CAPN5: variants seen among roughly 807,000 people sequenced by gnomAD.
CAPN5 encodes the protein calpain 5.
A neutral mutation model predicts 73.0 loss-of-function variants in CAPN5; 54 were observed. That is an observed-to-expected ratio of 0.74 (90% CI 0.59 to 0.93). The LOEUF (loss-of-function observed/expected upper bound fraction) is 0.93. Among genes scored for constraint, CAPN5 ranks in the 40% least tolerant of loss-of-function variants. The pLI, the probability that CAPN5 is intolerant of heterozygous loss-of-function variation, is 0.00. For synonymous variants in CAPN5, 335 were observed against 356.9 expected, an observed-to-expected ratio of 0.94 and a Z score of 0.69; for missense variants, 785 against 882.9, an observed-to-expected ratio of 0.89 and a Z score of 1.41.
chr11:77,117,343 C>A (rs2135482422), intron 7 of CAPN5, among the ~76,000 whole-genome samples: 1 of 152,316 alleles, frequency 6.6e-6, no homozygotes, highest in South Asian at 2.1e-4. Context: ...TCAGCAGAAC[C>A]TGATATGGAA....
chr11:77,088,031 T>C (rs996661522), intron 2 of CAPN5: 2 of 1,535,818 alleles, frequency 1.3e-6, no homozygotes, highest in South Asian at 1.2e-5. Flanking sequence ...GCTCAGGGTG[T>C]CCGTCCTCCT....
In CAPN5 at chr11:77,116,227, T is replaced by G; in HGVS notation, c.895T>G (p.Ser299Ala). Reference protein sequence around the residue: ...REWNGPWSDTSEEWQKVSKSE... With the variant: ...REWNGPWSDTAEEWQKVSKSE... Reference sequence around the variant, plus strand: ...TCCTCCCCGGCCCTGACACCCCAGCTCGGAGGAGTGGCAGAAAGTGAGCAA... The same window carrying G: ...TCCTCCCCGGCCCTGACACCCCAGCGCGGAGGAGTGGCAGAAAGTGAGCAA... Residue 299 changes from serine (S) to alanine (A), a missense_variant and splice_region_variant, in exon 7 of 13, where the codon TCG becomes GCG. Ser to Ala is a moderately conservative substitution (Grantham distance 99). Coordinates refer to ENST00000648180, the MANE Select transcript of CAPN5 (RefSeq NM_004055.5). 6.2e-7 allele frequency: 1 copy of G among 1,611,328 alleles called. No individual in the cohort carries two copies. The highest frequency in any genetic ancestry group is 8.5e-7 in the Non-Finnish European group (1 of 1,178,902).
chr11:77,077,614 C>A (rs1949985556), intron 1 of CAPN5, among the ~76,000 whole-genome samples: 1 of 151,822 alleles, frequency 6.6e-6, no homozygotes, highest in African/African-American at 2.4e-5. Flanking sequence ...ACTGCAACCT[C>A]CACCTCCTGG....
chr11:77,114,705 C>A (rs1237435209), intron 5 of CAPN5, among the ~76,000 whole-genome samples: 1 of 152,210 alleles, frequency 6.6e-6, no homozygotes, highest in Non-Finnish European at 1.5e-5. Context: ...GATTTCATTA[C>A]TTGCTCGTGT....
intron 4 of CAPN5, 149 bp downstream of exon 4, chr11:77,112,946 A>T (rs1362513974): frequency 2.7e-6 from 2 of 730,562 alleles, no homozygotes; most frequent in Non-Finnish European, 4.6e-6. Flanking sequence ...GCCAGGCCTG[A>T]GGGCATAGTC....
intron 4 of CAPN5, 117 bp downstream of exon 4, chr11:77,112,914 C>T: frequency 1.0e-6 from 1 of 964,798 alleles, no homozygotes; most frequent in Non-Finnish European, 1.6e-6. Flanking sequence ...GGGGCTGGTG[C>T]AGGCACGCAG....
At chr11:77,071,362 C>A (rs1555033042) in intron 1 of CAPN5, among the ~76,000 whole-genome samples, 5 of 152,248 alleles carry the variant, frequency 3.3e-5, no homozygotes. Context: ...ATGTCTGGAC[C>A]CTGCCTGCCT....
intron 2 of CAPN5, among the ~76,000 whole-genome samples, chr11:77,091,385 A>C (rs1950147481): frequency 2.0e-5 from 3 of 152,346 alleles, no homozygotes; most frequent in African/African-American, 7.2e-5. Context: ...GAACTAGCTC[A>C]GGAGCGCCTG....
In CAPN5 at chr11:77,116,308, G is replaced by T; in HGVS notation, c.971+5G>T. ...GCAGGACGACGGTGAGTTCTGGTGAGTGTGTATGTGCCCTGGGCGTCCGGG... is the reference window on the plus strand; with the variant it reads ...GCAGGACGACGGTGAGTTCTGGTGATTGTGTATGTGCCCTGGGCGTCCGGG... On this transcript the variant is annotated splice_donor_5th_base_variant and intron_variant, in intron 7 of 12. Coordinates refer to ENST00000648180, the MANE Select transcript of CAPN5 (RefSeq NM_004055.5). 1.9e-6 allele frequency: 3 copies of T among 1,611,898 alleles called. No homozygotes were observed. The highest frequency in any genetic ancestry group is 1.3e-5 in the African/African-American group (1 of 75,014).
In CAPN5 at chr11:77,096,525, G is replaced by T. The variant is rs782815244; in HGVS notation, c.297+2712G>T. Among the ~76,000 whole-genome samples, 16 of 152,326 alleles carry T rather than the reference G, an allele frequency of 1.1e-4. No homozygotes were observed. In the East Asian group the frequency reaches 2.1e-3, roughly 20 times the overall value. On this transcript the variant is annotated intron_variant, in intron 3 of 12. Coordinates refer to ENST00000648180, the MANE Select transcript of CAPN5 (RefSeq NM_004055.5). ...TCTGTCAGACATCTCTTGGCCTCCT[G>T]CCCTGCTCCTACGGGATCCCTGATG...
intron 3 of CAPN5, among the ~76,000 whole-genome samples, chr11:77,100,460 T>A (rs1441216468): frequency 6.6e-6 from 1 of 151,476 alleles, no homozygotes; most frequent in Non-Finnish European, 1.5e-5. Context: ...CCGTCACAAC[T>A]GCCCCCCACC....
chr11:77,097,002 C>G (rs978672448), intron 3 of CAPN5, among the ~76,000 whole-genome samples: 3 of 152,210 alleles, frequency 2.0e-5, no homozygotes, highest in East Asian at 1.9e-4. Context: ...GTGGGCGGAT[C>G]ACGAGGTCAG....
At chr11:77,106,181 G>A (rs781810458) in intron 3 of CAPN5, among the ~76,000 whole-genome samples, 1 of 152,000 alleles carries the variant, frequency 6.6e-6, no homozygotes, top group Non-Finnish European at 1.5e-5. Flanking sequence ...TTTCATGCCC[G>A]CCTCAGAGTA....
intron 2 of CAPN5, among the ~76,000 whole-genome samples, chr11:77,091,341 C>T (rs1007786235): frequency 2.6e-5 from 4 of 152,202 alleles, no homozygotes; most frequent in African/African-American, 9.7e-5. Context: ...CTCTGCTGGC[C>T]GCCTGTGGTA....
chr11:77,071,511 G>A (rs1255284307), intron 1 of CAPN5: 1 of 399,344 alleles, frequency 2.5e-6, no homozygotes, highest in South Asian at 1.7e-5. Context: ...CGCTTTACAG[G>A]TGAGAATACC....
At chr11:77,112,975 T>G (rs1591142783) in intron 4 of CAPN5, 178 bp downstream of exon 4, 1 of 642,782 alleles carries the variant, frequency 1.6e-6, no homozygotes, top group East Asian at 2.7e-5. Context: ...CTGTGCTGGG[T>G]GGGGTGGAGG....
chr11:77,071,420 C>T (rs576376158), intron 1 of CAPN5, among the ~76,000 whole-genome samples: 2 of 152,336 alleles, frequency 1.3e-5, no homozygotes, highest in Admixed American at 1.3e-4. Flanking sequence ...TCATTTCAGA[C>T]ATTCACGCAA....
chr11:77,090,508 G>C (rs1302064162), intron 2 of CAPN5, among the ~76,000 whole-genome samples: 1 of 152,190 alleles, frequency 6.6e-6, no homozygotes, highest in Non-Finnish European at 1.5e-5. Flanking sequence ...CAGACCTAGG[G>C]CATCCCATCG....
chr11:77,089,493 G>C (rs1950127105), intron 2 of CAPN5, among the ~76,000 whole-genome samples: 1 of 152,210 alleles, frequency 6.6e-6, no homozygotes, highest in Non-Finnish European at 1.5e-5. Context: ...AAAAGTGGAA[G>C]GACAAACACT....
Sources: gnomAD v4.1 joint callset for allele counts (sites outside exome capture counted in the v4.1 genomes callset) on GRCh38, gnomAD v4.1.1 for gene constraint, MANE v1.5 for transcripts, NCBI Gene and HGNC (gene_info 2026-07-23, HGNC 2026-07-21) for gene names.